The following UMAD1 variants were observed in gnomAD, a reference collection of about 807,000 sequenced individuals.
The protein encoded by UMAD1 is UBAP1-MVB12-associated (UMA) domain containing 1.
A neutral mutation model predicts 6.1 loss-of-function variants in UMAD1; 8 were observed. That is an observed-to-expected ratio of 1.30 (90% confidence interval 0.76 to 2.35). The LOEUF is 2.35. UMAD1 is among the 30% of genes most tolerant of loss of function. UMAD1 has a pLI of 0.00. For missense variants in UMAD1, 130 were observed against 78.4 expected (o/e 1.66, Z -2.49); for synonymous variants, 56 against 31.4 (o/e 1.78, Z -2.61).
chr7:7,781,362 C>T (rs1243280179), intron 2 of UMAD1, among the ~76,000 whole-genome samples: 1 of 151,700 alleles, frequency 6.6e-6, no homozygotes, highest in African/African-American at 2.4e-5. Context: ...GTTATTCTTG[C>T]TCCTCTTTCT....
At chr7:7,677,668 T>G (rs1199162482) in intron 2 of UMAD1, among the ~76,000 whole-genome samples, 1 of 131,520 alleles carries the variant, frequency 7.6e-6, no homozygotes, top group Non-Finnish European at 1.6e-5. Flanking sequence ...TTTTTTGTTT[T>G]TTTTTTTTTT....
At chr7:7,807,691 G>A (rs1043907477) in intron 3 of UMAD1, among the ~76,000 whole-genome samples, 1 of 152,014 alleles carries the variant, frequency 6.6e-6, no homozygotes, top group Non-Finnish European at 1.5e-5. Flanking sequence ...GCATTTACAC[G>A]AATGATTGTC....
At chr7:7,802,044 C>T (rs1485753939) in intron 3 of UMAD1, among the ~76,000 whole-genome samples, 13 of 152,214 alleles carry the variant, frequency 8.5e-5, no homozygotes, top group Non-Finnish European at 1.5e-5. Flanking sequence ...TAATATATTT[C>T]AATAAATAGG....
intron 2 of UMAD1, among the ~76,000 whole-genome samples, chr7:7,754,378 G>A (rs1025455770): frequency 9.2e-5 from 14 of 152,220 alleles, no homozygotes; most frequent in Non-Finnish European, 1.6e-4. Flanking sequence ...ACCTTTTTAT[G>A]TGCCTGCTTG....
At chr7:7,686,538 G>C (rs1251856934) in intron 2 of UMAD1, among the ~76,000 whole-genome samples, 1 of 152,132 alleles carries the variant, frequency 6.6e-6, no homozygotes, top group Non-Finnish European at 1.5e-5. Flanking sequence ...TGTCCTGAAT[G>C]CATTACTGAG....
At chr7:7,864,624 C>T (rs1215072047) in intron 3 of UMAD1, among the ~76,000 whole-genome samples, 1 of 151,456 alleles carries the variant, frequency 6.6e-6, no homozygotes. Flanking sequence ...CACACACACA[C>T]ACACACACAC....
intron 2 of UMAD1, among the ~76,000 whole-genome samples, chr7:7,782,891 A>T (rs890047606): frequency 6.6e-6 from 1 of 151,676 alleles, no homozygotes; most frequent in African/African-American, 2.4e-5. Flanking sequence ...CACCACACCC[A>T]GCTAATATTT....
chr7:7,804,272 A>G (rs1020670352), intron 3 of UMAD1, among the ~76,000 whole-genome samples: 47 of 152,254 alleles, frequency 3.1e-4, no homozygotes, highest in African/African-American at 1.1e-3. Flanking sequence ...GAGGAAAACA[A>G]TAAAATACTT....
intron 2 of UMAD1, among the ~76,000 whole-genome samples, chr7:7,781,039 C>G (rs562578831): frequency 6.6e-6 from 1 of 152,186 alleles, no homozygotes; most frequent in East Asian, 1.9e-4. Context: ...GTGGATTTAC[C>G]AGCTAAAAGC....
chr7:7,731,362 C>T (rs1583782147), intron 2 of UMAD1, among the ~76,000 whole-genome samples: 1 of 151,708 alleles, frequency 6.6e-6, no homozygotes. Context: ...GTAAAGGAAA[C>T]AGGTTAGAGG....
At chr7:7,846,696 A>G (rs1482742277) in intron 3 of UMAD1, among the ~76,000 whole-genome samples, 1 of 152,116 alleles carries the variant, frequency 6.6e-6, no homozygotes, top group Non-Finnish European at 1.5e-5. Context: ...AGATTGTCGA[A>G]ACCAATACTT....
At chr7:7,645,999 G>A (rs891857860) in intron 1 of UMAD1, among the ~76,000 whole-genome samples, 5 of 152,160 alleles carry the variant, frequency 3.3e-5, no homozygotes, top group Admixed American at 3.3e-4. Flanking sequence ...AACCCCTTAC[G>A]GGAGAGGGAG....
intron 3 of UMAD1, among the ~76,000 whole-genome samples, chr7:7,839,060 G>T (rs1053032039): frequency 6.6e-6 from 1 of 152,136 alleles, no homozygotes; most frequent in African/African-American, 2.4e-5. Flanking sequence ...GTAATGTTCT[G>T]TTCCTTAAAT....
intron 2 of UMAD1, among the ~76,000 whole-genome samples, chr7:7,774,128 C>T (rs1267776076): frequency 1.3e-5 from 2 of 152,156 alleles, no homozygotes; most frequent in East Asian, 1.9e-4. Flanking sequence ...AATCTTCTTC[C>T]CCTTTCTCTG....
At chr7:7,873,277 C>G (rs1784362323) in intron 3 of UMAD1, among the ~76,000 whole-genome samples, 1 of 152,190 alleles carries the variant, frequency 6.6e-6, no homozygotes, top group Non-Finnish European at 1.5e-5. Flanking sequence ...CTTTGTTCTC[C>G]TGCTCACAGG....
chr7:7,695,158 T>C (rs961953776), intron 2 of UMAD1, among the ~76,000 whole-genome samples: 1 of 152,200 alleles, frequency 6.6e-6, no homozygotes, highest in East Asian at 1.9e-4. Context: ...CACCTTTTCA[T>C]ATACCTGTTT....
At chr7:7,847,380 A>C (rs1347089192) in intron 3 of UMAD1, among the ~76,000 whole-genome samples, 2 of 151,536 alleles carry the variant, frequency 1.3e-5, no homozygotes, top group Non-Finnish European at 2.9e-5. Context: ...GAATGACAGT[A>C]TTGTCATCAC....
intron 2 of UMAD1, among the ~76,000 whole-genome samples, chr7:7,714,748 C>T (rs921246974): frequency 3.3e-5 from 5 of 151,562 alleles, no homozygotes; most frequent in Non-Finnish European, 5.9e-5. Flanking sequence ...AAGGTTAAAG[C>T]AAGTAACAGG....
chr7:7,723,361 A>T (rs1367297145), intron 2 of UMAD1, among the ~76,000 whole-genome samples: 4 of 152,228 alleles, frequency 2.6e-5, no homozygotes, highest in Admixed American at 6.5e-5. Context: ...TTAATGTTAC[A>T]GCTCAGGGAG....
Sources: allele counts gnomAD v4.1 joint callset (sites outside exome capture counted in the v4.1 genomes callset), GRCh38; gene constraint gnomAD v4.1.1; transcripts MANE v1.5; gene names NCBI Gene and HGNC (gene_info 2026-07-23, HGNC 2026-07-21).